The following SCHIP1 variants were observed in gnomAD, a reference collection of about 807,000 sequenced individuals.
SCHIP1 encodes the protein schwannomin-interacting protein 1.
SCHIP1 carries 8 observed loss-of-function variants against 29.7 expected under a neutral mutation model. The observed-to-expected ratio is 0.27, with a 90% CI of 0.16 to 0.49. The LOEUF is 0.49. Among genes scored for constraint, SCHIP1 ranks in the 20% least tolerant of loss-of-function variants. SCHIP1 has a pLI of 0.99. For missense variants in SCHIP1, 193 were observed against 294.6 expected (o/e 0.66, Z 2.52); for synonymous variants, 76 against 94.9 (o/e 0.80, Z 1.16).
At chr3:159,384,015 C>T in the SCHIP1 span, among the ~76,000 whole-genome samples, 1 of 151,376 alleles carries the variant, frequency 6.6e-6, no homozygotes, top group Non-Finnish European at 1.5e-5. Flanking sequence ...TGGGCTGAGA[C>T]AATGGGGTTT....
chr3:159,609,213 A>G, the SCHIP1 span, among the ~76,000 whole-genome samples: 1 of 152,164 alleles, frequency 6.6e-6, no homozygotes, highest in South Asian at 2.1e-4. Flanking sequence ...GAGCTATTCT[A>G]GTCGATCCTT....
the SCHIP1 span, among the ~76,000 whole-genome samples, chr3:159,482,095 G>C: frequency 6.6e-6 from 1 of 152,240 alleles, no homozygotes; most frequent in African/African-American, 2.4e-5. Context: ...TTCTACTGGT[G>C]TCAGGCATTG....
the SCHIP1 span, among the ~76,000 whole-genome samples, chr3:159,373,827 T>C: frequency 1.3e-5 from 2 of 152,200 alleles, no homozygotes; most frequent in Non-Finnish European, 2.9e-5. Flanking sequence ...ATTCATTTGT[T>C]GATGGACATT....
the SCHIP1 span, among the ~76,000 whole-genome samples, chr3:159,310,033 G>C: frequency 2.0e-5 from 3 of 152,284 alleles, no homozygotes; most frequent in Non-Finnish European, 4.4e-5. Flanking sequence ...CCAGGGTTCA[G>C]TGTAAGCTCA....
the SCHIP1 span, among the ~76,000 whole-genome samples, chr3:159,646,216 C>A: frequency 1.3e-5 from 2 of 152,156 alleles, no homozygotes; most frequent in East Asian, 1.9e-4. Flanking sequence ...TGGATGTGAG[C>A]AGCTCAGAAT....
At chr3:159,656,921 T>C in the SCHIP1 span, among the ~76,000 whole-genome samples, 3 of 152,132 alleles carry the variant, frequency 2.0e-5, no homozygotes, top group Non-Finnish European at 2.9e-5. Context: ...GTTGTAATAG[T>C]GTATGTCCAC....
intron 2 of SCHIP1, 75 bp from the exon 4 acceptor site, chr3:159,886,132 A>G (rs1237198785): frequency 1.3e-5 from 20 of 1,536,224 alleles, no homozygotes; most frequent in Non-Finnish European, 1.8e-5. Context: ...TGTTAGCAAA[A>G]TCAGACAGTT....
chr3:159,661,650 T>C, the SCHIP1 span, among the ~76,000 whole-genome samples: 2 of 152,294 alleles, frequency 1.3e-5, no homozygotes, highest in East Asian at 1.9e-4. Context: ...CTTAGGTATG[T>C]ATGGGGAGAG....
chr3:159,520,260 C>G, the SCHIP1 span, among the ~76,000 whole-genome samples: 2 of 152,026 alleles, frequency 1.3e-5, no homozygotes, highest in Admixed American at 6.6e-5. Context: ...GGAGGTGAAG[C>G]CTGAGTTGGA....
At chr3:159,378,090 A>G in the SCHIP1 span, among the ~76,000 whole-genome samples, 1 of 152,370 alleles carries the variant, frequency 6.6e-6, no homozygotes, top group East Asian at 1.9e-4. Context: ...AAAACTCTTC[A>G]AATGCAAAAG....
At chr3:159,730,548 A>C in the SCHIP1 span, among the ~76,000 whole-genome samples, 1 of 152,178 alleles carries the variant, frequency 6.6e-6, no homozygotes. Flanking sequence ...TAGCTCTATT[A>C]ATATAATGTT....
chr3:159,728,879 G>A, the SCHIP1 span, among the ~76,000 whole-genome samples: 1 of 152,212 alleles, frequency 6.6e-6, no homozygotes, highest in African/African-American at 2.4e-5. Context: ...GCCAGGCGCA[G>A]TGGCTCATGC....
chr3:159,717,586 A>G, the SCHIP1 span, among the ~76,000 whole-genome samples: 1 of 152,220 alleles, frequency 6.6e-6, no homozygotes, highest in Non-Finnish European at 1.5e-5. Flanking sequence ...CTACCATCAG[A>G]GAATACTATA....
the SCHIP1 span, among the ~76,000 whole-genome samples, chr3:159,531,727 G>A: frequency 1.3e-5 from 2 of 152,212 alleles, no homozygotes; most frequent in South Asian, 4.1e-4. Context: ...CAGATTTGGA[G>A]TAATGCTATA....
chr3:159,320,853 TA>T, the SCHIP1 span, among the ~76,000 whole-genome samples: 4,871 of 138,344 alleles, frequency 0.035, 203 homozygotes, highest in African/African-American at 0.11. Context: ...TTCTGTCATC[TA>T]AAAAAAAAAA....
chr3:159,472,639 G>A, the SCHIP1 span, among the ~76,000 whole-genome samples: 1 of 152,126 alleles, frequency 6.6e-6, no homozygotes, highest in Non-Finnish European at 1.5e-5. Context: ...TGTTTAAGTA[G>A]AAGACATTTA....
At chr3:159,281,193 A>G in the SCHIP1 span, among the ~76,000 whole-genome samples, 40 of 152,200 alleles carry the variant, frequency 2.6e-4, no homozygotes, top group Non-Finnish European at 5.0e-4. Context: ...ATTAGAAGCT[A>G]GGAAAAAGAA....
At chr3:159,851,364 T>C (rs1001063932) in intron 1 of SCHIP1, among the ~76,000 whole-genome samples, 27 of 152,194 alleles carry the variant, frequency 1.8e-4, no homozygotes, top group African/African-American at 6.5e-4. Context: ...CAGTGTGGGA[T>C]GGTTAGAGTG....
At chr3:159,793,423 T>C in the SCHIP1 span, among the ~76,000 whole-genome samples, 1 of 152,232 alleles carries the variant, frequency 6.6e-6, no homozygotes, top group Non-Finnish European at 1.5e-5. Flanking sequence ...ATTAGCTATA[T>C]ATTGTCCCAT....
Sources: allele counts gnomAD v4.1 joint callset (sites outside exome capture counted in the v4.1 genomes callset), GRCh38; gene constraint gnomAD v4.1.1; transcripts MANE v1.5; gene names NCBI Gene and HGNC (gene_info 2026-07-23, HGNC 2026-07-21).